The following RBFOX1 variants were observed in gnomAD, a reference collection of about 807,000 sequenced individuals.
RBFOX1 encodes the protein RNA binding protein fox-1 homolog 1.
RBFOX1 carries 8 observed loss-of-function variants against 57.7 expected under a neutral mutation model. The ratio of observed to expected loss-of-function variants is 0.14; its 90% CI spans 0.08 to 0.25. The LOEUF (loss-of-function observed/expected upper bound fraction) is 0.25. Among genes scored for constraint, RBFOX1 ranks in the 10% least tolerant of loss-of-function variants. The probability of loss-of-function intolerance (pLI) is 1.00; values close to 1 mark genes in which losing one functional copy is unlikely to be tolerated. For synonymous variants in RBFOX1, 326 were observed against 222.4 expected (o/e 1.47, Z -4.15); for missense variants, 611 against 548.5 (o/e 1.11, Z -1.14).
At chr16:7,099,278 G>A (rs2151311386) in intron 4 of RBFOX1, among the ~76,000 whole-genome samples, 1 of 152,262 alleles carries the variant, frequency 6.6e-6, no homozygotes, top group East Asian at 1.9e-4. Context: ...TAGCTGCAGT[G>A]GGAAATGGCT....
intron 4 of RBFOX1, among the ~76,000 whole-genome samples, chr16:7,117,883 T>A (rs1392425045): frequency 6.6e-6 from 1 of 152,136 alleles, no homozygotes; most frequent in Non-Finnish European, 1.5e-5. Flanking sequence ...GCTGCAGGAT[T>A]CGTGGCTGCT....
intron 5 of RBFOX1, among the ~76,000 whole-genome samples, chr16:7,550,862 G>A (rs1313207777): frequency 1.3e-5 from 2 of 152,040 alleles, no homozygotes; most frequent in Non-Finnish European, 2.9e-5. Flanking sequence ...GAGAGGCCGA[G>A]GCAGGCGGAT....
intron 1 of RBFOX1, among the ~76,000 whole-genome samples, chr16:6,247,720 A>G (rs2097576943): frequency 6.6e-6 from 1 of 152,230 alleles, no homozygotes. Flanking sequence ...CAAAGCTAGG[A>G]TTCAAACTCA....
rs541534385 is a variant in RBFOX1, at chr16:6,675,343, C to G, written c.-16+20693C>G. Among the ~76,000 whole-genome samples, 8 of 152,246 alleles carry G rather than the reference C, an allele frequency of 5.3e-5. No homozygotes were observed. The East Asian group carries it at 1.5e-3, about 29-fold the overall frequency. On this transcript the variant is annotated intron_variant, in intron 3 of 15. Transcript: ENST00000550418. ...ATGTAGGTGCTCTTGCAAATGTCAT[C>G]AGAAGTGTATCTGTCCCAATTTCTC...
At chr16:7,372,009 C>G (rs182709143) in intron 4 of RBFOX1, among the ~76,000 whole-genome samples, 69 of 152,040 alleles carry the variant, frequency 4.5e-4, no homozygotes, top group African/African-American at 1.6e-3. Flanking sequence ...CATGCATACA[C>G]TGAGTTATCT....
chr16:6,819,646 A>G (rs11862461), intron 3 of RBFOX1, among the ~76,000 whole-genome samples: 75,474 of 146,548 alleles, frequency 0.52, 20,510 homozygotes, highest in East Asian at 0.78. Context: ...CGGAGGTTGC[A>G]GTGAGCCAGG....
At chr16:5,437,566 A>G (rs898803334) in intron 1 of RBFOX1, among the ~76,000 whole-genome samples, 9 of 152,256 alleles carry the variant, frequency 5.9e-5, no homozygotes, top group African/African-American at 2.2e-4. Flanking sequence ...TAATGGATGC[A>G]AACTTAAAAA....
intron 1 of RBFOX1, among the ~76,000 whole-genome samples, chr16:5,390,795 C>G (rs2066387642): frequency 1.3e-5 from 2 of 152,122 alleles, no homozygotes; most frequent in South Asian, 2.1e-4. Flanking sequence ...TCAAAGCTGA[C>G]TCGTCTCCTC....
chr16:5,747,870 T>C (rs1172879997), intron 3 of RBFOX1, among the ~76,000 whole-genome samples: 4 of 152,264 alleles, frequency 2.6e-5, no homozygotes, highest in African/African-American at 9.6e-5. Context: ...GTGTCTCTGT[T>C]TCCTTCAGTT....
intron 4 of RBFOX1, among the ~76,000 whole-genome samples, chr16:7,298,285 G>GGTTTTTTTTTT (rs2095944591): frequency 2.1e-5 from 2 of 96,592 alleles, no homozygotes; most frequent in African/African-American, 4.0e-5. Flanking sequence ...GTTTTTTTTT[G>GGTTTTTTTTTT]TTTTTTTTTT....
At chr16:7,136,824 C>T (rs773323713) in intron 4 of RBFOX1, among the ~76,000 whole-genome samples, 3 of 152,190 alleles carry the variant, frequency 2.0e-5, no homozygotes, top group South Asian at 2.1e-4. Flanking sequence ...CAACAAAAAT[C>T]TCTGTACCAG....
intron 1 of RBFOX1, among the ~76,000 whole-genome samples, chr16:6,191,173 AC>A (rs2097139553): frequency 6.7e-6 from 1 of 149,594 alleles, no homozygotes; most frequent in African/African-American, 2.5e-5. Flanking sequence ...CATGAGTTAA[AC>A]TACAGTCGCC....
chr16:7,341,234 G>C (rs1334610382), intron 4 of RBFOX1, among the ~76,000 whole-genome samples: 1 of 152,080 alleles, frequency 6.6e-6, no homozygotes, highest in Non-Finnish European at 1.5e-5. Context: ...CAGAAACATT[G>C]AACTCAATAC....
chr16:7,495,823 A>T (rs1439875829), intron 4 of RBFOX1, among the ~76,000 whole-genome samples: 1 of 152,388 alleles, frequency 6.6e-6, no homozygotes, highest in South Asian at 2.1e-4. Flanking sequence ...TCATGTAAGC[A>T]AACATCACCT....
chr16:6,390,323 A>T (rs2092533674), intron 2 of RBFOX1, among the ~76,000 whole-genome samples: 1 of 152,048 alleles, frequency 6.6e-6, no homozygotes, highest in African/African-American at 2.4e-5. Flanking sequence ...CCACCCCCAA[A>T]TCCTGAACTT....
chr16:6,914,128 G>T lies in RBFOX1; in HGVS notation c.-15-137929G>T, dbSNP rs141706898. Among the ~76,000 whole-genome samples the T allele has an allele frequency of 2.0e-5, 3 of 152,328 alleles. No homozygotes were observed. The East Asian group carries it at 5.8e-4, about 29-fold the overall frequency. ...ATTTGGAATGATACCTCTGCATGCT[G>T]CTGTGAAGGAAATACGAACATAATG... is the stretch of plus-strand genomic sequence containing the variant. On this transcript the variant is annotated intron_variant, in intron 3 of 15. Coordinates refer to ENST00000550418, the MANE Select transcript of RBFOX1 (RefSeq NM_018723.4).
chr16:5,866,689 T>C (rs993473608), intron 3 of RBFOX1, among the ~76,000 whole-genome samples: 1 of 152,198 alleles, frequency 6.6e-6, no homozygotes, highest in African/African-American at 2.4e-5. Flanking sequence ...CTTAATAACA[T>C]CCCGACTTTG....
chr16:5,928,630 C>T lies in RBFOX1; in HGVS notation c.351+61295C>T, dbSNP rs139816785. 6.8e-3 allele frequency among the ~76,000 whole-genome samples: 1,027 copies of T among 151,724 alleles called. 18 individuals are homozygous for T. The highest frequency in any genetic ancestry group is 0.023 in the African/African-American group (965 of 41,348). On this transcript the variant is annotated intron_variant, in intron 4 of 19. Coordinates refer to the RBFOX1 transcript ENST00000641259. ...TCCCTTCCTGCTGTCAGATTCTGGC[C>T]CTGTAACTTTACACCAGAGCCGATG...
intron 2 of RBFOX1, among the ~76,000 whole-genome samples, chr16:6,577,573 C>A (rs1205668930): frequency 6.6e-6 from 1 of 152,184 alleles, no homozygotes; most frequent in Admixed American, 6.5e-5. Flanking sequence ...CACTGAGGTT[C>A]TGGGACACTC....
Sources: gnomAD v4.1 joint callset for allele counts (sites outside exome capture counted in the v4.1 genomes callset) on GRCh38, gnomAD v4.1.1 for gene constraint, MANE v1.5 for transcripts, NCBI Gene and HGNC (gene_info 2026-07-23, HGNC 2026-07-21) for gene names.